The following GPC6 variants were observed in gnomAD, a reference collection of about 807,000 sequenced individuals.
The protein encoded by GPC6 is glypican 6, also known as glypican-6.
A neutral mutation model predicts 55.2 loss-of-function variants in GPC6; 14 were observed. The observed-to-expected ratio is 0.25, with a 90% confidence interval of 0.17 to 0.40. The LOEUF (loss-of-function observed/expected upper bound fraction) is 0.40, where lower values mean the gene tolerates loss of function less well. GPC6 is among the 10% of genes least tolerant of loss of function. GPC6 has a pLI of 1.00. For missense variants in GPC6, 641 were observed against 708.5 expected, an observed-to-expected ratio of 0.90 and a Z score of 1.08; for synonymous variants, 278 against 259.6, an observed-to-expected ratio of 1.07 and a Z score of -0.68.
intron 3 of GPC6, among the ~76,000 whole-genome samples, chr13:93,990,267 T>C (rs1442761394): frequency 1.2e-4 from 19 of 152,100 alleles, no homozygotes; most frequent in Non-Finnish European, 2.6e-4. Context: ...GTCTGCCTTT[T>C]TTTTTTAATT....
At chr13:93,516,605 A>T (rs540069158) in intron 1 of GPC6, among the ~76,000 whole-genome samples, 1 of 152,318 alleles carries the variant, frequency 6.6e-6, no homozygotes, top group South Asian at 2.1e-4. Flanking sequence ...AATAAAAAAA[A>T]TAATTACTTA....
intron 4 of GPC6, among the ~76,000 whole-genome samples, chr13:94,106,217 T>C (rs1886046055): frequency 6.6e-6 from 1 of 151,470 alleles, no homozygotes; most frequent in Non-Finnish European, 1.5e-5. Context: ...CGACCAAGAG[T>C]TATCCAGCTG....
At chr13:94,198,701 T>G (rs1889656642) in intron 4 of GPC6, among the ~76,000 whole-genome samples, 1 of 152,144 alleles carries the variant, frequency 6.6e-6, no homozygotes, top group Non-Finnish European at 1.5e-5. Flanking sequence ...TTTAGGGAAG[T>G]GTACTGTTGA....
At chr13:93,327,876 G>C (rs1437080913) in intron 1 of GPC6, among the ~76,000 whole-genome samples, 1 of 151,996 alleles carries the variant, frequency 6.6e-6, no homozygotes, top group African/African-American at 2.4e-5. Context: ...ACTTGAAATT[G>C]GTGGCAAAAT....
intron 1 of GPC6, among the ~76,000 whole-genome samples, chr13:93,318,897 A>G (rs536776574): frequency 1.3e-5 from 2 of 152,284 alleles, no homozygotes; most frequent in African/African-American, 4.8e-5. Context: ...CTTTCCCTGC[A>G]TGAACAGACA....
intron 2 of GPC6, among the ~76,000 whole-genome samples, chr13:93,685,747 T>G (rs932446923): frequency 6.6e-6 from 1 of 151,990 alleles, no homozygotes; most frequent in African/African-American, 2.4e-5. Context: ...AACAAACAGC[T>G]CTTTTCCTAC....
At chr13:93,409,974 A>AT (rs1459568791) in intron 1 of GPC6, among the ~76,000 whole-genome samples, 1 of 152,158 alleles carries the variant, frequency 6.6e-6, no homozygotes, top group East Asian at 1.9e-4. Flanking sequence ...GATTGGGTAA[A>AT]TTAAGGGTGA....
At chr13:93,834,460 G>T (rs1475605836) in intron 3 of GPC6, among the ~76,000 whole-genome samples, 5 of 152,114 alleles carry the variant, frequency 3.3e-5, no homozygotes, top group Non-Finnish European at 7.3e-5. Context: ...ATGATAAAAA[G>T]AATCAGATGG....
intron 1 of GPC6, among the ~76,000 whole-genome samples, chr13:93,403,485 A>G (rs1876169493): frequency 6.6e-6 from 1 of 152,212 alleles, no homozygotes; most frequent in South Asian, 2.1e-4. Flanking sequence ...ATACCTTATT[A>G]ATACCTCATC....
intron 6 of GPC6, among the ~76,000 whole-genome samples, chr13:94,316,787 C>A (rs1876562883): frequency 6.6e-6 from 1 of 151,562 alleles, no homozygotes; most frequent in Non-Finnish European, 1.5e-5. Context: ...CAGATCCAGA[C>A]AATATGTATT....
chr13:94,061,693 C>T (rs1884330437), intron 4 of GPC6, among the ~76,000 whole-genome samples: 1 of 151,536 alleles, frequency 6.6e-6, no homozygotes, highest in African/African-American at 2.4e-5. Flanking sequence ...CAGATATGCC[C>T]TGCTGATGCC....
intron 2 of GPC6, among the ~76,000 whole-genome samples, chr13:93,758,592 T>C (rs1168380365): frequency 6.6e-6 from 1 of 152,094 alleles, no homozygotes; most frequent in African/African-American, 2.4e-5. Context: ...CTTTTGTTAG[T>C]AGAAAATTCC....
intron 3 of GPC6, among the ~76,000 whole-genome samples, chr13:93,973,888 C>G (rs554912367): frequency 3.3e-5 from 5 of 152,298 alleles, no homozygotes; most frequent in Admixed American, 6.5e-5. Context: ...TTTTAAATGA[C>G]TCTCCTGCCT....
chr13:93,379,742 T>G (rs150852237), intron 1 of GPC6, among the ~76,000 whole-genome samples: 1 of 152,280 alleles, frequency 6.6e-6, no homozygotes, highest in Non-Finnish European at 1.5e-5. Context: ...TTTTTTCAAA[T>G]ACTGTTATAC....
At chr13:94,077,265 T>G (rs1884948668) in intron 4 of GPC6, among the ~76,000 whole-genome samples, 1 of 151,888 alleles carries the variant, frequency 6.6e-6, no homozygotes, top group Non-Finnish European at 1.5e-5. Context: ...TACTTCTTAA[T>G]GTTTCTTCAG....
At chr13:93,585,676 C>T (rs76353765) in intron 2 of GPC6, among the ~76,000 whole-genome samples, 1,942 of 152,252 alleles carry the variant, frequency 0.013, 42 homozygotes, top group African/African-American at 0.044. Flanking sequence ...CATTACCTTA[C>T]AAGACTTTTG....
At chr13:93,422,562 G>C (rs1348093473) in intron 1 of GPC6, among the ~76,000 whole-genome samples, 3 of 152,130 alleles carry the variant, frequency 2.0e-5, no homozygotes, top group Admixed American at 6.6e-5. Flanking sequence ...ATATGGTGTG[G>C]TTCCTTTCAG....
chr13:93,286,311 G>A (rs1376156830), intron 1 of GPC6, among the ~76,000 whole-genome samples: 1 of 152,180 alleles, frequency 6.6e-6, no homozygotes, highest in Non-Finnish European at 1.5e-5. Flanking sequence ...ATCTCCACCT[G>A]TTCGGTCCCA....
At chr13:93,290,039 A>G (rs1483044812) in intron 1 of GPC6, among the ~76,000 whole-genome samples, 1 of 152,138 alleles carries the variant, frequency 6.6e-6, no homozygotes, top group African/African-American at 2.4e-5. Flanking sequence ...AGTTCAAAGG[A>G]TTACTCATTT....
Sources: allele counts gnomAD v4.1 joint callset (sites outside exome capture counted in the v4.1 genomes callset), GRCh38; gene constraint gnomAD v4.1.1; transcripts MANE v1.5; gene names NCBI Gene and HGNC (gene_info 2026-07-23, HGNC 2026-07-21).